XPO4: variants seen among roughly 807,000 people sequenced by gnomAD.
XPO4 encodes the protein exportin 4.
Under a neutral mutation model 143.0 loss-of-function variants are expected in XPO4, and 39 were observed. The ratio of observed to expected loss-of-function variants is 0.27; its 90% CI spans 0.21 to 0.36. The LOEUF is 0.36. Among genes scored for constraint, XPO4 ranks in the 10% least tolerant of loss-of-function variants. The probability of loss-of-function intolerance (pLI) is 1.00; values close to 1 mark genes in which losing one functional copy is unlikely to be tolerated. For missense variants in XPO4, 907 were observed against 1,348.0 expected (o/e 0.67, Z 5.12); for synonymous variants, 439 against 474.0 (o/e 0.93, Z 0.96).
At chr13:20,826,947 T>C (rs1454086018) in intron 7 of XPO4, 120 bp downstream of exon 7, 5 of 660,140 alleles carry the variant, frequency 7.6e-6, no homozygotes, top group African/African-American at 7.3e-5. Context: ...GCAGCCATAC[T>C]GATGAGAAGA....
chr13:20,800,690 C>T lies in XPO4; in HGVS notation c.1977+141G>A, dbSNP rs544875432. On this transcript the variant is annotated intron_variant, in intron 14 of 22. Coordinates refer to ENST00000255305, the MANE Select transcript of XPO4 (RefSeq NM_022459.5). ...ACACATTAAAACAGCATTCCAGTCACATAATTCTCTTCCACACAGAAAATG... is the reference window on the plus strand; with the variant it reads ...ACACATTAAAACAGCATTCCAGTCATATAATTCTCTTCCACACAGAAAATG... The T allele has an allele frequency of 1.5e-4, 157 of 1,055,584 alleles. No homozygotes were observed. The African/African-American group carries it at 1.9e-3, about 12-fold the overall frequency. The allele number at this position is 1,055,584 out of a possible 1,614,324, so 65.4% of individuals were successfully genotyped here.
At chr13:20,835,960 TAAC>T (rs986859978) in intron 6 of XPO4, among the ~76,000 whole-genome samples, 48 of 152,348 alleles carry the variant, frequency 3.2e-4, no homozygotes, top group African/African-American at 1.1e-3. Flanking sequence ...ATAATTGTCT[TAAC>T]AACATTTTCT....
intron 4 of XPO4, chr13:20,848,942 TTAAG>T: frequency 1.0e-6 from 1 of 985,398 alleles, no homozygotes. Context: ...GGCTAACAAT[TTAAG>T]TAACTCTTAT....
At chr13:20,896,012 T>G (rs1478644026) in intron 1 of XPO4, among the ~76,000 whole-genome samples, 1 of 152,160 alleles carries the variant, frequency 6.6e-6, no homozygotes, top group Non-Finnish European at 1.5e-5. Flanking sequence ...GTGAAATAGC[T>G]GGGGGTCAGC....
chr13:20,884,093 G>A (rs2060439494), intron 1 of XPO4, among the ~76,000 whole-genome samples: 1 of 152,154 alleles, frequency 6.6e-6, no homozygotes. Flanking sequence ...CGTTCACTAA[G>A]GCCAGGTGAG....
intron 1 of XPO4, among the ~76,000 whole-genome samples, chr13:20,894,347 C>G (rs987538098): frequency 1.3e-5 from 2 of 152,010 alleles, no homozygotes; most frequent in African/African-American, 2.4e-5. Context: ...GACATTTTTC[C>G]TTTTATTTAT....
intron 1 of XPO4, among the ~76,000 whole-genome samples, chr13:20,890,747 C>T (rs558885077): frequency 1.4e-5 from 2 of 143,686 alleles, no homozygotes; most frequent in African/African-American, 2.6e-5. Context: ...TGGCGTGAGC[C>T]GAGATTGCGC....
Position 20,783,754 on chromosome 13 carries a change from C to T in XPO4, c.3424G>A (p.Ala1142Thr). The change falls in exon 23 of 23, where the codon GCA becomes ACA. Residue 1142 changes from alanine to threonine, a missense_variant. By Grantham distance (58) the Ala-to-Thr change is moderately conservative. Coordinates refer to ENST00000255305, the MANE Select transcript of XPO4 (RefSeq NM_022459.5). ...ACACAAAGGAGACCACCAACATTTGCCATAAATTCTTCTAAACTCTTTAAG... is the reference window on the plus strand; with the variant it reads ...ACACAAAGGAGACCACCAACATTTGTCATAAATTCTTCTAAACTCTTTAAG... ...AFLKSLEEFMANVGGLLCVK is the reference protein window; with the variant it reads ...AFLKSLEEFMTNVGGLLCVK The T allele has an allele frequency of 6.2e-7, 1 of 1,614,192 alleles. No individual in the cohort carries two copies. Among genetic ancestry groups the T allele is most frequent in the South Asian group, 1.1e-5 (1 of 91,086 alleles).
At chr13:20,842,078 T>C (rs1163146252) in intron 6 of XPO4, among the ~76,000 whole-genome samples, 1 of 152,208 alleles carries the variant, frequency 6.6e-6, no homozygotes, top group African/African-American at 2.4e-5. Context: ...TTTAAATGTA[T>C]TGTTTCATTT....
intron 4 of XPO4, among the ~76,000 whole-genome samples, chr13:20,848,030 G>A (rs987058840): frequency 2.6e-5 from 4 of 152,084 alleles, no homozygotes; most frequent in Admixed American, 1.3e-4. Flanking sequence ...AACATAAGGG[G>A]CCTTCCACCC....
intron 18 of XPO4, among the ~76,000 whole-genome samples, chr13:20,794,138 G>A (rs1478346208): frequency 5.3e-5 from 8 of 151,890 alleles, no homozygotes; most frequent in East Asian, 1.9e-4. Flanking sequence ...TCTTATTAAC[G>A]CTGCCCAGCG....
At chr13:20,890,652 G>T (rs1285092112) in intron 1 of XPO4, among the ~76,000 whole-genome samples, 1 of 151,608 alleles carries the variant, frequency 6.6e-6, no homozygotes, top group Non-Finnish European at 1.5e-5. Context: ...ACAAAAATTA[G>T]CTGGGTATGG....
At chr13:20,871,845 G>A (rs2060301904) in intron 1 of XPO4, among the ~76,000 whole-genome samples, 1 of 141,282 alleles carries the variant, frequency 7.1e-6, no homozygotes, top group African/African-American at 3.2e-5. Context: ...TAATGAAGAT[G>A]ATATTCTATT....
intron 6 of XPO4, among the ~76,000 whole-genome samples, chr13:20,835,768 G>C (rs569225856): frequency 6.6e-6 from 1 of 152,200 alleles, no homozygotes; most frequent in Admixed American, 6.5e-5. Context: ...CACCAAGTGT[G>C]CCTTCCTTTC....
chr13:20,886,133 CACAT>C (rs1392326284), intron 1 of XPO4, among the ~76,000 whole-genome samples: 1 of 152,118 alleles, frequency 6.6e-6, no homozygotes, highest in Non-Finnish European at 1.5e-5. Context: ...TCTTTTCAAA[CACAT>C]ACTGAACAAA....
chr13:20,782,460 G>A lies in XPO4; in HGVS notation c.*1262C>T, dbSNP rs1316724552. The stretch of plus-strand genomic sequence containing the variant: ...ATCCTGATTAAGAGATCAAACTAGA[G>A]GATCTAAAGTGAATTTTTAATCTCT... On this transcript the variant is annotated 3_prime_UTR_variant, in exon 23 of 23. Coordinates refer to ENST00000255305, the MANE Select transcript of XPO4 (RefSeq NM_022459.5). The A allele has an allele frequency of 9.2e-5, 14 of 152,590 alleles. No individual in the cohort carries two copies. The highest frequency in any genetic ancestry group is 9.2e-4 in the Admixed American group (14 of 15,278). The allele number at this position is 152,590 out of a possible 1,614,324, so 9.5% of individuals were successfully genotyped here. A position where few individuals can be genotyped will look rare whatever the true frequency, so the allele number is the denominator to read the frequency against.
At chr13:20,876,685 T>C (rs1162797948) in intron 1 of XPO4, among the ~76,000 whole-genome samples, 1 of 152,212 alleles carries the variant, frequency 6.6e-6, no homozygotes, top group Non-Finnish European at 1.5e-5. Context: ...ATTAAAATCA[T>C]AACCTCCTAA....
chr13:20,793,919 G>A (rs1342787351), intron 18 of XPO4, among the ~76,000 whole-genome samples: 6 of 152,208 alleles, frequency 3.9e-5, no homozygotes, highest in Admixed American at 3.9e-4. Context: ...TGTGCTGGGG[G>A]AGGATCCTCC....
At position 20,799,281 on chromosome 13, in the gene XPO4, G is replaced by A. The variant is rs994584273; in HGVS notation, c.2206C>T (p.Arg736Ter). 1.9e-6 allele frequency: 3 copies of A among 1,613,798 alleles called. No individual in the cohort carries two copies. The highest frequency in any genetic ancestry group is 2.7e-5 in the African/African-American group (2 of 74,906). Reference protein sequence around the residue: ...WWNLAKQFASRSPPLNFLSSP... With the variant: ...WWNLAKQFAS Reference sequence around the variant, plus strand: ...GACAAGAAATTAAGAGGTGGGCTTCGGCTTGCAAACTGCTTAGCTAAATTC... The same window carrying A: ...GACAAGAAATTAAGAGGTGGGCTTCAGCTTGCAAACTGCTTAGCTAAATTC... Residue 736 changes from arginine to a stop codon, truncating the protein, a stop_gained, in exon 16 of 23, where the codon CGA (arginine) becomes TGA (stop). Transcript: ENST00000255305. LOFTEE classifies it high-confidence loss of function.
Sources: allele counts gnomAD v4.1 joint callset (sites outside exome capture counted in the v4.1 genomes callset), GRCh38; gene constraint gnomAD v4.1.1; transcripts MANE v1.5; gene names NCBI Gene and HGNC (gene_info 2026-07-23, HGNC 2026-07-21).